ADGRV1: variants seen among roughly 807,000 people sequenced by gnomAD.
ADGRV1 encodes the protein G-protein coupled receptor 98.
Under a neutral mutation model 596.2 loss-of-function variants are expected in ADGRV1, and 359 were observed. That is an observed-to-expected ratio of 0.60 (90% confidence interval 0.55 to 0.66). ADGRV1 has a LOEUF of 0.66. Among genes scored for constraint, ADGRV1 ranks in the 30% least tolerant of loss-of-function variants. ADGRV1 has a pLI of 0.00. For synonymous variants in ADGRV1, 2,681 were observed against 2,679.2 expected (o/e 1.00, Z -0.02); for missense variants, 7,274 against 7,575.6 (o/e 0.96, Z 1.48).
intron 1 of ADGRV1, among the ~76,000 whole-genome samples, chr5:90,567,176 T>C (rs1755744016): frequency 1.3e-5 from 2 of 152,184 alleles, no homozygotes; most frequent in Admixed American, 1.3e-4. Context: ...GTATCATTTG[T>C]TTTATATGTT....
chr5:90,674,133 C>G lies in ADGRV1; in HGVS notation c.5009C>G (p.Pro1670Arg). The G allele has an allele frequency of 1.2e-6, 2 of 1,613,308 alleles. No individual in the cohort carries two copies. The highest frequency in any genetic ancestry group is 1.7e-6 in the Non-Finnish European group (2 of 1,179,474). Residue 1670 changes from proline to arginine, a missense_variant, in exon 23 of 90, where the codon CCT becomes CGT. Coordinates refer to ENST00000405460, the MANE Select transcript of ADGRV1 (RefSeq NM_032119.4). ...YFRVTLVSAIPGDGKLGSTPT... is the reference protein window; with the variant it reads ...YFRVTLVSAIRGDGKLGSTPT... ...CGTGTGACATTGGTTTCTGCAATTC[C>G]TGGAGATGGGAAGCTAGGCTCAACT...
At chr5:91,055,540 G>A (rs942406914) in intron 85 of ADGRV1, among the ~76,000 whole-genome samples, 5 of 152,162 alleles carry the variant, frequency 3.3e-5, no homozygotes, top group African/African-American at 1.2e-4. Context: ...TAAGGCTAAT[G>A]AGGCTCAGAC....
Position 90,757,117 on chromosome 5 carries a change from G to A in ADGRV1, c.11896G>A (p.Asp3966Asn), listed in dbSNP as rs537561836. Residue 3966 changes from aspartate (D) to asparagine (N), a missense_variant, in exon 57 of 90, where the codon GAC becomes AAC. By Grantham distance (23) the Asp-to-Asn change is conservative. This residue lies in a region of ADGRV1 where 3,643 missense variants were observed against 3,809.2 expected (regional missense o/e 0.96). Transcript: ENST00000405460. ...ATCACCAGACAGTGCTGGCCTGGAA[G>A]ACTTTAAACCATCTCATGGGATTCT... is the stretch of plus-strand genomic sequence containing the variant. ...KASPDSAGLE[D>N]FKPSHGILEF... 4.3e-6 allele frequency: 7 copies of A among 1,613,948 alleles called. No homozygotes were observed. The South Asian group carries it at 5.5e-5, about 13-fold the overall frequency.
chr5:90,563,416 T>C (rs759116729), intron 1 of ADGRV1, among the ~76,000 whole-genome samples: 10 of 152,258 alleles, frequency 6.6e-5, no homozygotes, highest in Admixed American at 2.0e-4. Flanking sequence ...AGAGTTTTCC[T>C]TGCCTTCAAC....
At chr5:90,766,118 C>G (rs1053275360) in intron 59 of ADGRV1, among the ~76,000 whole-genome samples, 1 of 152,036 alleles carries the variant, frequency 6.6e-6, no homozygotes, top group African/African-American at 2.4e-5. Flanking sequence ...ACTGTGTTAG[C>G]CAGGATGGTC....
At chr5:90,763,531 T>C in intron 59 of ADGRV1, 62 bp downstream of exon 59, 1 of 1,504,440 alleles carries the variant, frequency 6.6e-7, no homozygotes, top group Non-Finnish European at 9.2e-7. Context: ...TTCTTTTTCC[T>C]TTTTATTGTA....
Position 90,946,486 on chromosome 5 carries a change from T to C in ADGRV1, c.17857-18929T>C, listed in dbSNP as rs55908755. On this transcript the variant is annotated intron_variant, in intron 83 of 89. Coordinates refer to ENST00000405460, the MANE Select transcript of ADGRV1 (RefSeq NM_032119.4). ...ATTTAATTTTAAGTTTCAGGATACA[T>C]GTGCAGGACACGTAGGTTTGTTACG... 5.2e-3 allele frequency among the ~76,000 whole-genome samples: 787 copies of C among 152,304 alleles called. 9 individuals are homozygous for C. The highest frequency in any genetic ancestry group is 0.018 in the African/African-American group (747 of 41,558).
chr5:90,559,949 A>G (rs188936867), intron 1 of ADGRV1, among the ~76,000 whole-genome samples: 2 of 152,312 alleles, frequency 1.3e-5, no homozygotes, highest in East Asian at 3.8e-4. Flanking sequence ...ACAAATGAGC[A>G]CCAATAATTT....
chr5:90,911,660 A>C (rs941042848), intron 83 of ADGRV1, among the ~76,000 whole-genome samples: 1 of 152,168 alleles, frequency 6.6e-6, no homozygotes, highest in Non-Finnish European at 1.5e-5. Flanking sequence ...TTTTAATACT[A>C]TTGCATTTGA....
intron 83 of ADGRV1, among the ~76,000 whole-genome samples, chr5:90,916,631 ATTTTTTTTTTT>A (rs11407284): frequency 8.0e-6 from 1 of 124,688 alleles, no homozygotes; most frequent in East Asian, 2.3e-4. Context: ...GCGTTCACAA[ATTTTTTTTTTT>A]TTTTTTTTGA....
chr5:90,745,039 C>G lies in ADGRV1; in HGVS notation c.10550-7C>G. The G allele has an allele frequency of 1.2e-6, 2 of 1,608,074 alleles. No homozygotes were observed. Among genetic ancestry groups the G allele is most frequent in the Non-Finnish European group, 1.7e-6 (2 of 1,175,516 alleles). ...CACTCAAGTTGTTTTTTCTTTCCTT[C>G]CTGCAGCCCACATACTTCTTATTGG... On this transcript the variant is annotated splice_polypyrimidine_tract_variant and splice_region_variant and intron_variant, in intron 50 of 89. Coordinates refer to ENST00000405460, the MANE Select transcript of ADGRV1 (RefSeq NM_032119.4).
chr5:90,654,007 C>T (rs1561465466), intron 20 of ADGRV1, 55 bp downstream of exon 20: 1 of 1,527,770 alleles, frequency 6.5e-7, no homozygotes, highest in Non-Finnish European at 8.9e-7. Context: ...TAAAATTTTT[C>T]ATTAAAATTT....
intron 85 of ADGRV1, among the ~76,000 whole-genome samples, chr5:90,998,171 C>T (rs1339391309): frequency 6.6e-6 from 1 of 152,182 alleles, no homozygotes; most frequent in East Asian, 1.9e-4. Flanking sequence ...AACTCAGAAG[C>T]TTCTACCAAC....
intron 83 of ADGRV1, among the ~76,000 whole-genome samples, chr5:90,938,764 C>T (rs531910175): frequency 3.1e-4 from 47 of 152,238 alleles, no homozygotes; most frequent in African/African-American, 1.0e-3. Context: ...TTATTAATCA[C>T]TGAAACACTG....
At chr5:91,010,647 G>T (rs1782648156) in intron 85 of ADGRV1, among the ~76,000 whole-genome samples, 1 of 151,942 alleles carries the variant, frequency 6.6e-6, no homozygotes, top group African/African-American at 2.4e-5. Context: ...TGATTTATCT[G>T]AAATGCTAAA....
intron 85 of ADGRV1, among the ~76,000 whole-genome samples, chr5:91,000,880 C>A (rs1781803106): frequency 6.6e-6 from 1 of 152,044 alleles, no homozygotes; most frequent in Non-Finnish European, 1.5e-5. Flanking sequence ...AGGAAGAATT[C>A]TCTGTTACTC....
intron 86 of ADGRV1, 119 bp from the exon 87 acceptor site, chr5:91,102,100 C>A: frequency 1.1e-6 from 1 of 890,160 alleles, no homozygotes; most frequent in Non-Finnish European, 1.6e-6. Flanking sequence ...ATGGGATTTC[C>A]AAGGTTGTTC....
At chr5:90,941,245 C>T (rs1341888810) in intron 83 of ADGRV1, among the ~76,000 whole-genome samples, 2 of 151,982 alleles carry the variant, frequency 1.3e-5, no homozygotes, top group Non-Finnish European at 2.9e-5. Context: ...ACTCCATTTG[C>T]TCTAAATAAA....
At chr5:90,671,539 C>T (rs1282140794) in intron 21 of ADGRV1, among the ~76,000 whole-genome samples, 1 of 152,210 alleles carries the variant, frequency 6.6e-6, no homozygotes, top group Admixed American at 6.5e-5. Context: ...TCTGGTGACT[C>T]CACACTCATT....
Sources: allele counts gnomAD v4.1 joint callset (sites outside exome capture counted in the v4.1 genomes callset), GRCh38; gene constraint gnomAD v4.1.1; regional missense constraint gnomAD v4.1.1; transcripts MANE v1.5; gene names NCBI Gene and HGNC (gene_info 2026-07-23, HGNC 2026-07-21).